STAG1: variants seen among roughly 807,000 people sequenced by gnomAD.
STAG1 encodes STAG1 cohesin complex component.
Under a neutral mutation model 170.9 loss-of-function variants are expected in STAG1, and 26 were observed. That is an observed-to-expected ratio of 0.15 (90% CI 0.11 to 0.21). The LOEUF (loss-of-function observed/expected upper bound fraction) is 0.21. Among genes scored for constraint, STAG1 ranks in the 10% least tolerant of loss-of-function variants. The pLI is 1.00. For synonymous variants in STAG1, 514 were observed against 497.7 expected (o/e 1.03, Z -0.44); for missense variants, 964 against 1,509.5 (o/e 0.64, Z 5.99).
intron 1 of STAG1, among the ~76,000 whole-genome samples, chr3:136,704,609 C>G (rs571490650): frequency 2.0e-5 from 3 of 151,800 alleles, no homozygotes; most frequent in African/African-American, 7.2e-5. Flanking sequence ...AGGCAGATCA[C>G]TTGAGCTCAG....
chr3:136,639,542 T>A (rs559290146), intron 1 of STAG1, among the ~76,000 whole-genome samples: 1 of 152,324 alleles, frequency 6.6e-6, no homozygotes, highest in East Asian at 1.9e-4. Context: ...GTTTAGTGGC[T>A]GTACATAAGG....
chr3:136,369,740 T>C (rs1221673518), intron 23 of STAG1, among the ~76,000 whole-genome samples: 2 of 152,198 alleles, frequency 1.3e-5, no homozygotes, highest in African/African-American at 4.8e-5. Context: ...ATAATGAATA[T>C]TTCTAAAAAT....
chr3:136,395,646 AAATTATT>A (rs1189491335), intron 22 of STAG1, among the ~76,000 whole-genome samples: 3 of 152,288 alleles, frequency 2.0e-5, no homozygotes, highest in Non-Finnish European at 4.4e-5. Context: ...GACAAAATTT[AAATTATT>A]AATAGATTTA....
intron 1 of STAG1, among the ~76,000 whole-genome samples, chr3:136,679,174 T>C (rs536321643): frequency 4.7e-4 from 72 of 152,314 alleles, no homozygotes; most frequent in East Asian, 4.2e-3. Context: ...TTCTCCAACA[T>C]TGCTGGTGGC....
At chr3:136,565,263 G>A (rs1028164430) in intron 5 of STAG1, among the ~76,000 whole-genome samples, 1 of 152,068 alleles carries the variant, frequency 6.6e-6, no homozygotes, top group Non-Finnish European at 1.5e-5. Flanking sequence ...CTAGAGAGCG[G>A]ACAAAAATAG....
chr3:136,655,148 A>C (rs978576520), intron 1 of STAG1, among the ~76,000 whole-genome samples: 4 of 152,206 alleles, frequency 2.6e-5, no homozygotes, highest in African/African-American at 9.6e-5. Flanking sequence ...ACTTCACAAA[A>C]ATTTTAAAAC....
rs887025756 is a variant in STAG1 at position 136,502,830 on chromosome 3, A to G, written c.677-51T>C. On this transcript the variant is annotated intron_variant, in intron 7 of 33. Coordinates refer to ENST00000383202, the MANE Select transcript of STAG1 (RefSeq NM_005862.3). ...ACCTATGAATCAAAACTTTATCCAT[A>G]TAAGATTACAAATTTATAAAGCCAA... 1.2e-5 allele frequency: 17 copies of G among 1,367,528 alleles called. No homozygotes were observed. The East Asian group carries it at 1.6e-4, about 13-fold the overall frequency. 84.7% of individuals were successfully genotyped at this position (1,367,528 alleles called of 1,614,324 possible). A position where few individuals can be genotyped will look rare whatever the true frequency, so the allele number is the denominator to read the frequency against.
intron 9 of STAG1, among the ~76,000 whole-genome samples, chr3:136,498,411 T>C (rs932701748): frequency 1.3e-5 from 2 of 149,470 alleles, no homozygotes; most frequent in Non-Finnish European, 3.0e-5. Context: ...AACCCAGATA[T>C]GTTGCATAAT....
intron 16 of STAG1, among the ~76,000 whole-genome samples, chr3:136,426,313 G>A (rs957808010): frequency 3.9e-5 from 6 of 152,162 alleles, no homozygotes; most frequent in Admixed American, 3.9e-4. Flanking sequence ...TGGAGGCTGA[G>A]GCAAGAGAAT....
intron 5 of STAG1, among the ~76,000 whole-genome samples, chr3:136,545,242 G>A (rs1262061017): frequency 6.6e-6 from 1 of 152,052 alleles, no homozygotes; most frequent in South Asian, 2.1e-4. Flanking sequence ...AATAAGTTTT[G>A]TATTTTTAGT....
At chr3:136,548,900 A>T (rs763236260) in intron 5 of STAG1, among the ~76,000 whole-genome samples, 15 of 152,106 alleles carry the variant, frequency 9.9e-5, no homozygotes, top group Admixed American at 3.3e-4. Context: ...TGGTTGTTTC[A>T]AAGTGTATAG....
chr3:136,391,427 A>C (rs2108328188), intron 22 of STAG1, among the ~76,000 whole-genome samples: 1 of 136,676 alleles, frequency 7.3e-6, no homozygotes, highest in Non-Finnish European at 1.5e-5. Context: ...GCCAAGCTGG[A>C]GTGCAGTGGC....
intron 1 of STAG1, among the ~76,000 whole-genome samples, chr3:136,742,146 C>T (rs1934701298): frequency 6.6e-6 from 1 of 152,000 alleles, no homozygotes; most frequent in African/African-American, 2.4e-5. Context: ...TGAGACAAAA[C>T]AACAACAACA....
At position 136,711,564 on chromosome 3, in the gene STAG1, G is replaced by GA. The variant is rs11285523; in HGVS notation, c.-84+40630dup. On this transcript the variant is annotated intron_variant, in intron 1 of 33. Coordinates refer to ENST00000383202, the MANE Select transcript of STAG1 (RefSeq NM_005862.3). The stretch of plus-strand genomic sequence containing the variant: ...AAACAGAGCGAGAGCATGTTTCAAG[G>GA]AAAAAAAAAAAGGATACTTATTCTA... 6.3e-4 allele frequency among the ~76,000 whole-genome samples: 92 copies of GA among 146,188 alleles called. 3 individuals carry two copies. Among genetic ancestry groups the GA allele is most frequent in the Middle Eastern group, 3.5e-3 (1 of 282 alleles).
intron 6 of STAG1, 93 bp from the exon 7 acceptor site, chr3:136,521,510 T>G: frequency 1.9e-6 from 2 of 1,076,100 alleles, no homozygotes; most frequent in Non-Finnish European, 2.7e-6. Flanking sequence ...GAACCCTTTT[T>G]TGCAAAGCAG....
chr3:136,667,583 G>A (rs1023787693), intron 1 of STAG1, among the ~76,000 whole-genome samples: 1 of 151,910 alleles, frequency 6.6e-6, no homozygotes, highest in South Asian at 2.1e-4. Flanking sequence ...TGCAACCTCC[G>A]CCTCCCAAGC....
At chr3:136,709,747 G>A (rs1253438323) in intron 1 of STAG1, among the ~76,000 whole-genome samples, 1 of 147,076 alleles carries the variant, frequency 6.8e-6, no homozygotes, top group East Asian at 2.0e-4. Flanking sequence ...AAGAAAGAAG[G>A]TGGGGGGCCG....
intron 21 of STAG1, among the ~76,000 whole-genome samples, chr3:136,410,042 T>C (rs1253278949): frequency 3.2e-5 from 4 of 125,184 alleles, no homozygotes; most frequent in Non-Finnish European, 6.4e-5. Context: ...TGCCCTCCAA[T>C]CTGTGCAACA....
intron 5 of STAG1, among the ~76,000 whole-genome samples, chr3:136,558,178 G>A (rs1478463502): frequency 1.3e-5 from 2 of 152,098 alleles, no homozygotes; most frequent in Non-Finnish European, 2.9e-5. Flanking sequence ...GGTCACCTGA[G>A]GTCGGGAGTT....
Sources: gnomAD v4.1 joint callset for allele counts (sites outside exome capture counted in the v4.1 genomes callset) on GRCh38, gnomAD v4.1.1 for gene constraint, MANE v1.5 for transcripts, NCBI Gene and HGNC (gene_info 2026-07-23, HGNC 2026-07-21) for gene names.